The following RORB variants were observed in gnomAD, a reference collection of about 807,000 sequenced individuals.
RORB encodes RAR related orphan receptor B.
A neutral mutation model predicts 59.1 loss-of-function variants in RORB; 6 were observed. The ratio of observed to expected loss-of-function variants is 0.10; its 90% CI spans 0.06 to 0.20. RORB has a LOEUF of 0.20. Among genes scored for constraint, RORB ranks in the 10% least tolerant of loss-of-function variants. The pLI, the probability that RORB is intolerant of heterozygous loss-of-function variation, is 1.00. For synonymous variants in RORB, 215 were observed against 204.5 expected, an observed-to-expected ratio of 1.05 and a Z score of -0.44; for missense variants, 320 against 560.5, an observed-to-expected ratio of 0.57 and a Z score of 4.33.
chr9:74,648,116 T>C (rs1469358691), intron 4 of RORB, among the ~76,000 whole-genome samples: 1 of 152,114 alleles, frequency 6.6e-6, no homozygotes, highest in Non-Finnish European at 1.5e-5. Context: ...CAGATAGAAG[T>C]AGACCAAACT....
intron 9 of RORB, among the ~76,000 whole-genome samples, chr9:74,677,685 T>C (rs1824468612): frequency 1.3e-5 from 2 of 152,298 alleles, no homozygotes; most frequent in South Asian, 2.1e-4. Context: ...AAAATCTTCT[T>C]ATCCAGGTGA....
At chr9:74,567,107 A>C (rs113990037) in intron 1 of RORB, among the ~76,000 whole-genome samples, 21 of 151,306 alleles carry the variant, frequency 1.4e-4, no homozygotes, top group African/African-American at 4.9e-4. Flanking sequence ...GGCTCACTAC[A>C]ACCTCTGCCT....
At position 74,685,672 on chromosome 9, in the gene RORB, A is replaced by G; in HGVS notation, c.*54A>G. On this transcript the variant is annotated 3_prime_UTR_variant, in exon 10 of 10. Transcript: ENST00000376896. The stretch of plus-strand genomic sequence containing the variant: ...TGGAATGCATCACCATTAAGACAAA[A>G]GCAATGTGTTCATGAAGACTTAAGA... 15 of 1,398,750 alleles carry G rather than the reference A, an allele frequency of 1.1e-5. No individual in the cohort carries two copies. The highest frequency in any genetic ancestry group is 1.4e-5 in the African/African-American group (1 of 70,268). The allele number at this position is 1,398,750 out of a possible 1,614,324, so 86.6% of individuals were successfully genotyped here. A position where few individuals can be genotyped will look rare whatever the true frequency, so the allele number is the denominator to read the frequency against.
intron 1 of RORB, among the ~76,000 whole-genome samples, chr9:74,618,483 T>C (rs1455847408): frequency 6.6e-6 from 1 of 152,198 alleles, no homozygotes; most frequent in African/African-American, 2.4e-5. Flanking sequence ...GACATTGAAA[T>C]TGGTTCTGAT....
intron 1 of RORB, among the ~76,000 whole-genome samples, chr9:74,564,622 G>T (rs761848654): frequency 6.6e-6 from 1 of 152,112 alleles, no homozygotes; most frequent in African/African-American, 2.4e-5. Context: ...TTGTATAGCC[G>T]ACTATGGTTC....
At chr9:74,556,292 G>A (rs1426636692) in intron 1 of RORB, among the ~76,000 whole-genome samples, 1 of 152,166 alleles carries the variant, frequency 6.6e-6, no homozygotes, top group African/African-American at 2.4e-5. Context: ...AAACACAAGG[G>A]CCTCTGCTGT....
chr9:74,509,783 A>G (rs1181559255), intron 1 of RORB, among the ~76,000 whole-genome samples: 4 of 152,118 alleles, frequency 2.6e-5, no homozygotes, highest in African/African-American at 9.7e-5. Flanking sequence ...GTGTACAAGC[A>G]TAAGATGTTT....
At chr9:74,518,863 A>C (rs1826047301) in intron 1 of RORB, among the ~76,000 whole-genome samples, 1 of 151,882 alleles carries the variant, frequency 6.6e-6, no homozygotes, top group Non-Finnish European at 1.5e-5. Flanking sequence ...AGTCTAGTAG[A>C]CCTGTCCCCT....
rs556035984 is a variant in RORB, at chr9:74,621,067, C to A, written c.8-9215C>A. 7.2e-5 allele frequency among the ~76,000 whole-genome samples: 11 copies of A among 152,152 alleles called. No homozygotes were observed. In the South Asian group the frequency reaches 2.3e-3, roughly 32 times the overall value. ...ACCAACCCCCCAGACACAATTTCCTCTATTGTTATTTTGCATAAGTATGGC... is the reference window on the plus strand; with the variant it reads ...ACCAACCCCCCAGACACAATTTCCTATATTGTTATTTTGCATAAGTATGGC... On this transcript the variant is annotated intron_variant, in intron 1 of 9. Transcript: ENST00000376896.
At chr9:74,538,562 A>T (rs889482557) in intron 1 of RORB, among the ~76,000 whole-genome samples, 1 of 152,110 alleles carries the variant, frequency 6.6e-6, no homozygotes, top group African/African-American at 2.4e-5. Context: ...TAAATACTGT[A>T]CACCTCAATT....
intron 1 of RORB, 31 bp downstream of exon 1, chr9:74,498,014 C>A (rs1302367887): frequency 1.2e-6 from 2 of 1,605,620 alleles, no homozygotes; most frequent in Non-Finnish European, 1.7e-6. Context: ...CGAGGCTCCC[C>A]GAGTCCGGCC....
chr9:74,580,247 G>A (rs1822701838), intron 1 of RORB, among the ~76,000 whole-genome samples: 1 of 152,096 alleles, frequency 6.6e-6, no homozygotes, highest in Non-Finnish European at 1.5e-5. Flanking sequence ...GTAAGTGGAG[G>A]GATGAGGAAG....
chr9:74,513,783 A>T (rs566640652), intron 1 of RORB, among the ~76,000 whole-genome samples: 1 of 152,212 alleles, frequency 6.6e-6, no homozygotes, highest in Non-Finnish European at 1.5e-5. Context: ...ACATTTTGAG[A>T]TTTAGATTCC....
At chr9:74,550,821 T>C (rs1826596017) in intron 1 of RORB, among the ~76,000 whole-genome samples, 1 of 152,220 alleles carries the variant, frequency 6.6e-6, no homozygotes, top group South Asian at 2.1e-4. Context: ...ATGGCACCAC[T>C]AGCTGTTGAG....
At chr9:74,619,083 T>C (rs558453983) in intron 1 of RORB, among the ~76,000 whole-genome samples, 2 of 152,320 alleles carry the variant, frequency 1.3e-5, no homozygotes, top group South Asian at 4.1e-4. Flanking sequence ...CTAGTTACTT[T>C]TCATTTAACC....
intron 9 of RORB, among the ~76,000 whole-genome samples, chr9:74,682,772 T>G (rs1434061257): frequency 1.3e-5 from 2 of 152,206 alleles, no homozygotes; most frequent in African/African-American, 4.8e-5. Context: ...AAGAATTTTC[T>G]TAAGAGACAA....
intron 4 of RORB, among the ~76,000 whole-genome samples, chr9:74,644,440 A>T (rs73650028): frequency 2.0e-5 from 3 of 152,168 alleles, no homozygotes; most frequent in Non-Finnish European, 4.4e-5. Flanking sequence ...TATTTCTGTT[A>T]TACAGATGCT....
At chr9:74,575,006 A>G (rs776602305) in intron 1 of RORB, among the ~76,000 whole-genome samples, 2 of 152,078 alleles carry the variant, frequency 1.3e-5, no homozygotes, top group Non-Finnish European at 2.9e-5. Context: ...AGAAGTAAAT[A>G]ACTATAAGAA....
At chr9:74,552,935 C>T (rs933689761) in intron 1 of RORB, among the ~76,000 whole-genome samples, 8 of 152,104 alleles carry the variant, frequency 5.3e-5, no homozygotes, top group African/African-American at 1.9e-4. Flanking sequence ...AGTGAGAGAG[C>T]ATTTCAGACA....
Sources: allele counts gnomAD v4.1 joint callset (sites outside exome capture counted in the v4.1 genomes callset), GRCh38; gene constraint gnomAD v4.1.1; transcripts MANE v1.5; gene names NCBI Gene and HGNC (gene_info 2026-07-23, HGNC 2026-07-21).